DOCK3: variants seen among roughly 807,000 people sequenced by gnomAD.
The protein encoded by DOCK3 is dedicator of cytokinesis protein 3.
A neutral mutation model predicts 265.6 loss-of-function variants in DOCK3; 60 were observed. The ratio of observed to expected loss-of-function variants is 0.23; its 90% CI spans 0.18 to 0.28. The LOEUF (loss-of-function observed/expected upper bound fraction) is 0.28, where lower values mean the gene tolerates loss of function less well. Among genes scored for constraint, DOCK3 ranks in the 10% least tolerant of loss-of-function variants. DOCK3 has a pLI of 1.00. For missense variants in DOCK3, 1,981 were observed against 2,594.3 expected (o/e 0.76, Z 5.14); for synonymous variants, 881 against 938.0 (o/e 0.94, Z 1.11).
At chr3:51,347,488 G>A (rs2085668502) in intron 38 of DOCK3, among the ~76,000 whole-genome samples, 1 of 152,070 alleles carries the variant, frequency 6.6e-6, no homozygotes, top group African/African-American at 2.4e-5. Context: ...GTTCTGTTCC[G>A]TTGGTCCATA....
intron 44 of DOCK3, among the ~76,000 whole-genome samples, chr3:51,357,482 T>C (rs59953568): frequency 0.078 from 11,840 of 152,188 alleles, 1,104 homozygotes; most frequent in East Asian, 0.33. Context: ...CTACTCCCAG[T>C]CCACCAGTCC....
chr3:51,103,463 T>C (rs2083159575), intron 9 of DOCK3, among the ~76,000 whole-genome samples: 1 of 152,248 alleles, frequency 6.6e-6, no homozygotes, highest in African/African-American at 2.4e-5. Flanking sequence ...TTCTTGATTA[T>C]CTACCTTTAC....
chr3:50,926,794 A>T (rs1013143982), intron 4 of DOCK3, among the ~76,000 whole-genome samples: 1 of 152,206 alleles, frequency 6.6e-6, no homozygotes, highest in South Asian at 2.1e-4. Flanking sequence ...ACATTATGTC[A>T]TGGAATGAAA....
rs536512315 is a variant in DOCK3, at chr3:51,155,532, T to C, written c.829-3712T>C. ...CAAGAAAATGTAGCCACAACTATGGTTGATGCTGACCTTTTAGCTTACCTT... is the reference window on the plus strand; with the variant it reads ...CAAGAAAATGTAGCCACAACTATGGCTGATGCTGACCTTTTAGCTTACCTT... On this transcript the variant is annotated intron_variant, in intron 10 of 52. Transcript: ENST00000266037. Among the ~76,000 whole-genome samples the C allele has an allele frequency of 7.9e-5, 12 of 152,280 alleles. No individual in the cohort carries two copies. In the South Asian group the frequency reaches 2.5e-3, roughly 32 times the overall value.
intron 5 of DOCK3, among the ~76,000 whole-genome samples, chr3:51,002,123 T>G (rs927502066): frequency 6.6e-6 from 1 of 152,064 alleles, no homozygotes; most frequent in Non-Finnish European, 1.5e-5. Flanking sequence ...TTTTTTTTTT[T>G]TGTTTGGTAG....
intron 37 of DOCK3, among the ~76,000 whole-genome samples, chr3:51,339,400 G>T (rs1469836784): frequency 6.6e-6 from 1 of 152,144 alleles, no homozygotes; most frequent in Non-Finnish European, 1.5e-5. Flanking sequence ...GACTTTCAAA[G>T]CTGGAGCTAA....
chr3:50,843,406 G>A (rs560082023), intron 3 of DOCK3, among the ~76,000 whole-genome samples: 35 of 152,112 alleles, frequency 2.3e-4, no homozygotes, highest in South Asian at 8.3e-4. Flanking sequence ...ATGTAGTCTC[G>A]GGGTTTCTCT....
chr3:50,922,302 A>G (rs1006228749), intron 4 of DOCK3, among the ~76,000 whole-genome samples: 4 of 152,202 alleles, frequency 2.6e-5, no homozygotes, highest in Admixed American at 6.5e-5. Flanking sequence ...GTTTGATCTC[A>G]GACTGCTGTG....
intron 9 of DOCK3, among the ~76,000 whole-genome samples, chr3:51,132,196 T>A (rs1429809276): frequency 1.3e-5 from 2 of 152,216 alleles, no homozygotes; most frequent in Non-Finnish European, 2.9e-5. Flanking sequence ...GCAGAGTCCC[T>A]ACTTAGTGGG....
intron 1 of DOCK3, among the ~76,000 whole-genome samples, chr3:50,706,509 CT>C (rs2036423569): frequency 6.6e-6 from 1 of 152,108 alleles, no homozygotes; most frequent in East Asian, 1.9e-4. Context: ...TTTTTTCTTG[CT>C]GTTTTTAGAA....
At chr3:51,014,520 G>C (rs985389785) in intron 5 of DOCK3, among the ~76,000 whole-genome samples, 1 of 149,364 alleles carries the variant, frequency 6.7e-6, no homozygotes, top group Non-Finnish European at 1.5e-5. Context: ...ATGCAGTCCA[G>C]GTTCTTCAAC....
chr3:51,353,819 A>G (rs112155300), intron 40 of DOCK3, among the ~76,000 whole-genome samples: 2,344 of 152,036 alleles, frequency 0.015, 33 homozygotes, highest in Middle Eastern at 0.041. Context: ...AGACATGCCA[A>G]GAGGGGCTGG....
At chr3:51,276,123 TAA>T (rs1191496647) in intron 25 of DOCK3, among the ~76,000 whole-genome samples, 2 of 152,238 alleles carry the variant, frequency 1.3e-5, no homozygotes, top group East Asian at 3.9e-4. Context: ...AGAGGCACCT[TAA>T]AAAAAGAGTA....
chr3:51,380,081 G>A (rs375875861), intron 51 of DOCK3, 44 bp from the exon 52 acceptor site: 40 of 1,581,936 alleles, frequency 2.5e-5, no homozygotes, highest in Admixed American at 1.0e-4. Flanking sequence ...CATGAAGTCT[G>A]TGCAGGGCCC....
intron 4 of DOCK3, among the ~76,000 whole-genome samples, chr3:50,903,361 A>C (rs755397121): frequency 4.6e-5 from 7 of 152,104 alleles, no homozygotes; most frequent in Non-Finnish European, 1.0e-4. Context: ...GTTTATTGAG[A>C]GTTTTTAACA....
intron 22 of DOCK3, among the ~76,000 whole-genome samples, chr3:51,247,826 A>G (rs2078911556): frequency 6.6e-6 from 1 of 152,188 alleles, no homozygotes; most frequent in Admixed American, 6.5e-5. Context: ...CACGAACACA[A>G]GTGTAGGGCA....
intron 7 of DOCK3, among the ~76,000 whole-genome samples, chr3:51,080,854 A>G (rs1052402239): frequency 2.0e-5 from 3 of 151,992 alleles, no homozygotes; most frequent in African/African-American, 7.2e-5. Flanking sequence ...TTCCAGTGAG[A>G]TATGGTCAGT....
At chr3:51,181,186 G>A (rs550438580) in intron 12 of DOCK3, among the ~76,000 whole-genome samples, 18 of 151,980 alleles carry the variant, frequency 1.2e-4, no homozygotes, top group African/African-American at 1.4e-4. Context: ...TGGGCACAAC[G>A]TGCAGGTTTG....
At chr3:50,719,676 G>C in intron 1 of DOCK3, 1 of 1,560,658 alleles carries the variant, frequency 6.4e-7, no homozygotes, top group Non-Finnish European at 8.8e-7. Context: ...TCCAGCATTT[G>C]ACATGGACAA....
Sources: gnomAD v4.1 joint callset for allele counts (sites outside exome capture counted in the v4.1 genomes callset) on GRCh38, gnomAD v4.1.1 for gene constraint, MANE v1.5 for transcripts, NCBI Gene and HGNC (gene_info 2026-07-23, HGNC 2026-07-21) for gene names.